CUEDC1: variants seen among roughly 807,000 people sequenced by gnomAD.
CUEDC1 encodes CUE domain-containing protein 1.
CUEDC1 carries 30 observed loss-of-function variants against 43.7 expected under a neutral mutation model. The ratio of observed to expected loss-of-function variants is 0.69; its 90% CI spans 0.51 to 0.93. The LOEUF is 0.93. Among genes scored for constraint, CUEDC1 ranks in the 40% least tolerant of loss-of-function variants. The pLI, the probability that CUEDC1 is intolerant of heterozygous loss-of-function variation, is 0.00. For missense variants in CUEDC1, 486 were observed against 549.0 expected (o/e 0.89, Z 1.15); for synonymous variants, 223 against 223.6 (o/e 1.00, Z 0.02).
chr17:57,865,611 G>C lies in CUEDC1; in HGVS notation c.*3+863C>G, dbSNP rs560405677. Among the ~76,000 whole-genome samples, 263 of 152,242 alleles carry C rather than the reference G, an allele frequency of 1.7e-3. 1 individual carries two copies. Among genetic ancestry groups the C allele is most frequent in the Non-Finnish European group, 1.7e-3 (116 of 68,018 alleles). On this transcript the variant is annotated intron_variant, in intron 10 of 10. Coordinates refer to ENST00000577830, the MANE Select transcript of CUEDC1 (RefSeq NM_001271875.2). ...CTGTCTTGGCCAACTCCTGGAGGAG[G>C]CCTTGGTATTTTCTTTTTCTCCCCA...
At chr17:57,905,358 C>T (rs1313173805) in intron 1 of CUEDC1, among the ~76,000 whole-genome samples, 1 of 151,714 alleles carries the variant, frequency 6.6e-6, no homozygotes, top group Non-Finnish European at 1.5e-5. Context: ...GGAGGGGATG[C>T]CTGGCTGCGC....
intron 10 of CUEDC1, among the ~76,000 whole-genome samples, chr17:57,864,000 C>CAAAAA (rs71365846): frequency 3.6e-5 from 3 of 82,540 alleles, no homozygotes; most frequent in Middle Eastern, 7.7e-3. Flanking sequence ...GACTCCATCT[C>CAAAAA]AAAAAAAAAA....
chr17:57,923,675 G>C, intron 1 of CUEDC1, among the ~76,000 whole-genome samples: 1 of 152,206 alleles, frequency 6.6e-6, no homozygotes, highest in East Asian at 1.9e-4. Context: ...CAAAGTAAAG[G>C]CACAGTTGAT....
chr17:57,927,776 G>A (rs1052371148), intron 1 of CUEDC1, among the ~76,000 whole-genome samples: 6 of 152,230 alleles, frequency 3.9e-5, no homozygotes, highest in Middle Eastern at 3.2e-3. Flanking sequence ...AGATTCCTCT[G>A]GATGGCAATG....
At chr17:57,942,539 C>T (rs1337942940) in intron 1 of CUEDC1, among the ~76,000 whole-genome samples, 3 of 151,836 alleles carry the variant, frequency 2.0e-5, no homozygotes, top group Admixed American at 2.0e-4. Flanking sequence ...CAAGCATGCA[C>T]CACCACACCC....
chr17:57,934,586 A>T (rs1042289474), intron 1 of CUEDC1, among the ~76,000 whole-genome samples: 2 of 140,914 alleles, frequency 1.4e-5, no homozygotes, highest in African/African-American at 2.6e-5. Flanking sequence ...AAAAAAAAAA[A>T]GGAAAGAAAG....
chr17:57,946,826 GC>G (rs1001420454), intron 1 of CUEDC1, among the ~76,000 whole-genome samples: 1 of 152,056 alleles, frequency 6.6e-6, no homozygotes, highest in African/African-American at 2.4e-5. Context: ...ATCATCACCA[GC>G]CCGGTCTCTG....
chr17:57,864,963 A>G (rs2073935251), intron 10 of CUEDC1, among the ~76,000 whole-genome samples: 1 of 152,218 alleles, frequency 6.6e-6, no homozygotes, highest in South Asian at 2.1e-4. Context: ...AGGCTGAGGC[A>G]GGAGAATCGC....
At chr17:57,906,098 T>C (rs1283736586) in intron 1 of CUEDC1, among the ~76,000 whole-genome samples, 1 of 152,232 alleles carries the variant, frequency 6.6e-6, no homozygotes, top group Non-Finnish European at 1.5e-5. Flanking sequence ...ATTCCATTCA[T>C]GGGTATATAA....
In CUEDC1 at chr17:57,868,214, G is replaced by C; in HGVS notation, c.970C>G (p.Arg324Gly). The part of the protein sequence containing the change: ...STRRKLFELA[R>G]AFSEKTKMRK... ...ATTTTGGTCTTCTCTGAGAAGGCTC[G>C]GGCAAGTTCAAACAGTTTCCTCCGG... The change falls in exon 8 of 11, where the codon CGA (arginine) becomes GGA (glycine). Residue 324 changes from arginine to glycine, a missense_variant. Transcript: ENST00000577830. 1 of 1,614,196 alleles carries C rather than the reference G, an allele frequency of 6.2e-7. No homozygotes were observed. Among genetic ancestry groups the C allele is most frequent in the Non-Finnish European group, 8.5e-7 (1 of 1,180,010 alleles).
chr17:57,871,864 C>T (rs778262868), intron 5 of CUEDC1, among the ~76,000 whole-genome samples: 6 of 152,256 alleles, frequency 3.9e-5, no homozygotes, highest in Non-Finnish European at 7.3e-5. Flanking sequence ...GCGGAGGTTG[C>T]AGTGAGCCGA....
intron 4 of CUEDC1, 24 bp from the exon 5 acceptor site, chr17:57,872,879 G>T: frequency 6.2e-7 from 1 of 1,603,280 alleles, no homozygotes; most frequent in Non-Finnish European, 8.5e-7. Flanking sequence ...CGAGCATGTT[G>T]AATGTGTACA....
chr17:57,949,700 G>C (rs527350340), intron 1 of CUEDC1, among the ~76,000 whole-genome samples: 1 of 150,642 alleles, frequency 6.6e-6, no homozygotes, highest in African/African-American at 2.4e-5. Flanking sequence ...CGCCTCCTGA[G>C]TAGCTGGGAC....
At chr17:57,901,789 C>A (rs904316029) in intron 1 of CUEDC1, among the ~76,000 whole-genome samples, 5 of 152,228 alleles carry the variant, frequency 3.3e-5, no homozygotes, top group African/African-American at 1.2e-4. Context: ...TATGAGAAAA[C>A]AGCATGAGAA....
intron 1 of CUEDC1, among the ~76,000 whole-genome samples, chr17:57,890,649 G>A (rs1238529328): frequency 6.6e-6 from 1 of 152,202 alleles, no homozygotes; most frequent in Non-Finnish European, 1.5e-5. Flanking sequence ...GGCCCGGCAG[G>A]GGCGGCAAAC....
At chr17:57,937,927 T>C (rs2074877970) in intron 1 of CUEDC1, among the ~76,000 whole-genome samples, 2 of 151,436 alleles carry the variant, frequency 1.3e-5, no homozygotes, top group Non-Finnish European at 3.0e-5. Context: ...AAAAAATAAA[T>C]CTAAAATTCT....
chr17:57,873,560 G>A, intron 4 of CUEDC1, 31 bp downstream of exon 4: 3 of 1,521,000 alleles, frequency 2.0e-6, no homozygotes, highest in East Asian at 2.5e-5. Context: ...ACAAGCAGGT[G>A]GGAGTGGAAG....
chr17:57,948,870 G>A (rs1311310157), intron 1 of CUEDC1, among the ~76,000 whole-genome samples: 1 of 152,148 alleles, frequency 6.6e-6, no homozygotes, highest in African/African-American at 2.4e-5. Context: ...TCTGAGCAAT[G>A]ACTCTTAAGG....
rs570782818 is a variant in CUEDC1, at chr17:57,881,552, C to A, written c.337-1814G>T. ...ACCCTGTTTCCCAGACCCCTCTTCT[C>A]TGAGGGATAGGGCTTTGGGCTGCAG... On this transcript the variant is annotated intron_variant, in intron 2 of 10. Coordinates refer to ENST00000577830, the MANE Select transcript of CUEDC1 (RefSeq NM_001271875.2). 2.6e-5 allele frequency among the ~76,000 whole-genome samples: 4 copies of A among 152,344 alleles called. No individual in the cohort carries two copies. In the East Asian group the frequency reaches 7.7e-4, roughly 29 times the overall value.
Sources: gnomAD v4.1 joint callset for allele counts (sites outside exome capture counted in the v4.1 genomes callset) on GRCh38, gnomAD v4.1.1 for gene constraint, MANE v1.5 for transcripts, NCBI Gene and HGNC (gene_info 2026-07-23, HGNC 2026-07-21) for gene names.